DGKB: variants seen among roughly 807,000 people sequenced by gnomAD.
DGKB encodes the protein diacylglycerol kinase beta, also known as 90 kDa diacylglycerol kinase.
In DGKB, 67 loss-of-function variants were observed where a neutral mutation model predicts 114.3. That is an observed-to-expected ratio of 0.59 (90% confidence interval 0.48 to 0.72). The LOEUF is 0.72. DGKB is among the 30% of genes least tolerant of loss of function. The pLI is 0.00. For missense variants in DGKB, 907 were observed against 975.2 expected, an observed-to-expected ratio of 0.93 and a Z score of 0.93; for synonymous variants, 398 against 323.1, an observed-to-expected ratio of 1.23 and a Z score of -2.49.
intron 21 of DGKB, among the ~76,000 whole-genome samples, chr7:14,410,229 T>C (rs1824646563): frequency 6.6e-6 from 1 of 151,428 alleles, no homozygotes; most frequent in Non-Finnish European, 1.5e-5. Context: ...TATATACATA[T>C]ACATGCACAC....
At chr7:14,555,922 A>G (rs1795801000) in intron 20 of DGKB, among the ~76,000 whole-genome samples, 1 of 152,234 alleles carries the variant, frequency 6.6e-6, no homozygotes, top group African/African-American at 2.4e-5. Context: ...ACAATAACAA[A>G]TAACCATAAA....
chr7:14,689,210 T>TTTTTTTTTTA (rs1822337324), intron 9 of DGKB, among the ~76,000 whole-genome samples: 1 of 127,366 alleles, frequency 7.9e-6, no homozygotes, highest in Non-Finnish European at 1.8e-5. Context: ...TTTTTTTTTT[T>TTTTTTTTTTA]TTTTTTTTTT....
intron 6 of DGKB, among the ~76,000 whole-genome samples, chr7:14,716,846 C>T (rs535147325): frequency 4.4e-4 from 67 of 152,140 alleles, no homozygotes; most frequent in African/African-American, 1.4e-3. Flanking sequence ...AAGAGACCTA[C>T]GGCATCATGT....
chr7:14,963,547 A>G (rs150977636), intron 1 of DGKB, among the ~76,000 whole-genome samples: 1 of 152,340 alleles, frequency 6.6e-6, no homozygotes, highest in African/African-American at 2.4e-5. Flanking sequence ...CCTTTTATGA[A>G]TAATTAATCA....
intron 20 of DGKB, among the ~76,000 whole-genome samples, chr7:14,561,528 A>C (rs1796657981): frequency 6.6e-6 from 1 of 152,036 alleles, no homozygotes; most frequent in Non-Finnish European, 1.5e-5. Context: ...AAATGTTGCA[A>C]AGTTTGGAAC....
At chr7:14,688,453 C>G (rs1822103042) in intron 9 of DGKB, among the ~76,000 whole-genome samples, 1 of 152,100 alleles carries the variant, frequency 6.6e-6, no homozygotes, top group Non-Finnish European at 1.5e-5. Flanking sequence ...AATTTGGTTT[C>G]TCAGAAGACG....
chr7:14,431,499 G>A (rs1382027636), intron 21 of DGKB, among the ~76,000 whole-genome samples: 1 of 152,032 alleles, frequency 6.6e-6, no homozygotes, highest in East Asian at 1.9e-4. Context: ...CTACTTCAAA[G>A]CTCTGACACC....
chr7:14,731,478 C>T (rs1048858105), intron 5 of DGKB, among the ~76,000 whole-genome samples: 7 of 151,934 alleles, frequency 4.6e-5, no homozygotes, highest in Non-Finnish European at 1.0e-4. Context: ...ATCTCGGATA[C>T]AGTGCCAATA....
At chr7:14,153,353 A>G (rs1246663487) in intron 25 of DGKB, among the ~76,000 whole-genome samples, 2 of 152,040 alleles carry the variant, frequency 1.3e-5, no homozygotes, top group Admixed American at 1.3e-4. Context: ...AGGTGGATCT[A>G]TTTTCTTTCA....
intron 13 of DGKB, among the ~76,000 whole-genome samples, chr7:14,653,377 T>G (rs1350875617): frequency 1.2e-4 from 18 of 151,948 alleles, no homozygotes; most frequent in African/African-American, 2.9e-4. Flanking sequence ...AAATTGGAAA[T>G]CATCATTCTC....
At chr7:14,729,169 C>G (rs1049425625) in intron 5 of DGKB, among the ~76,000 whole-genome samples, 1 of 137,118 alleles carries the variant, frequency 7.3e-6, no homozygotes, top group African/African-American at 2.9e-5. Context: ...GTTGCCCAGG[C>G]TGGAGTGCAG....
intron 17 of DGKB, among the ~76,000 whole-genome samples, chr7:14,599,028 A>C (rs986545159): frequency 3.3e-5 from 5 of 152,206 alleles, no homozygotes; most frequent in Non-Finnish European, 7.3e-5. Context: ...AACATTGGAA[A>C]ATAGTTTATT....
At chr7:14,766,189 C>G (rs1179232625) in intron 2 of DGKB, among the ~76,000 whole-genome samples, 1 of 151,910 alleles carries the variant, frequency 6.6e-6, no homozygotes, top group Non-Finnish European at 1.5e-5. Flanking sequence ...AAGTACTGTT[C>G]CAACTATTGG....
intron 21 of DGKB, among the ~76,000 whole-genome samples, chr7:14,463,670 C>G (rs1430076155): frequency 6.6e-6 from 1 of 152,128 alleles, no homozygotes; most frequent in African/African-American, 2.4e-5. Flanking sequence ...AGCCTTGCAT[C>G]AAATGAGTAT....
chr7:14,871,992 A>G lies in DGKB; in HGVS notation c.-187-30542T>C, dbSNP rs149570422. Among the ~76,000 whole-genome samples the G allele has an allele frequency of 4.3e-4, 66 of 152,304 alleles. No individual in the cohort carries two copies. The East Asian group carries it at 9.6e-3, about 22-fold the overall frequency. ...ACGGCACTTTGCCCTAAATACAGCGATCTTCAAGACAGAACCGGGATTCTC... is the reference window on the plus strand; with the variant it reads ...ACGGCACTTTGCCCTAAATACAGCGGTCTTCAAGACAGAACCGGGATTCTC... On this transcript the variant is annotated intron_variant, in intron 1 of 25. Coordinates refer to ENST00000402815, the MANE Select transcript of DGKB (RefSeq NM_001350709.2).
intron 1 of DGKB, among the ~76,000 whole-genome samples, chr7:14,953,031 C>G (rs984906980): frequency 6.6e-5 from 10 of 151,952 alleles, no homozygotes; most frequent in African/African-American, 1.9e-4. Context: ...AGACCCCTAC[C>G]TACCTCACAC....
chr7:14,911,108 A>G (rs965051350), intron 1 of DGKB, among the ~76,000 whole-genome samples: 2 of 152,154 alleles, frequency 1.3e-5, no homozygotes, highest in African/African-American at 2.4e-5. Flanking sequence ...TACAATGTAT[A>G]CATGTAGTAA....
intron 12 of DGKB, among the ~76,000 whole-genome samples, chr7:14,678,062 A>G (rs1820180386): frequency 6.6e-6 from 1 of 152,072 alleles, no homozygotes; most frequent in Admixed American, 6.6e-5. Flanking sequence ...TGAGTATTAC[A>G]GGATGATATT....
At position 14,698,171 on chromosome 7, in the gene DGKB, T is replaced by C; in HGVS notation, c.517-2A>G. 6.6e-7 allele frequency: 1 copy of C among 1,510,664 alleles called. No homozygotes were observed. The highest frequency in any genetic ancestry group is 8.9e-7 in the Non-Finnish European group (1 of 1,126,910). The allele number at this position is 1,510,664 out of a possible 1,614,324, so 93.6% of individuals were successfully genotyped here. On this transcript the variant is annotated splice_acceptor_variant, in intron 7 of 25. Transcript: ENST00000402815. LOFTEE classifies it high-confidence loss of function. Reference sequence around the variant, plus strand: ...CTGACTGATGATATTTTCTAGCTCCTGGAAGAGAAAGAGAGATAAAAAATA... The same window carrying C: ...CTGACTGATGATATTTTCTAGCTCCCGGAAGAGAAAGAGAGATAAAAAATA...
Sources: gnomAD v4.1 joint callset for allele counts (sites outside exome capture counted in the v4.1 genomes callset) on GRCh38, gnomAD v4.1.1 for gene constraint, MANE v1.5 for transcripts, NCBI Gene and HGNC (gene_info 2026-07-23, HGNC 2026-07-21) for gene names.